Variants in LAIR2 observed in about 807,000 individuals in gnomAD.
The protein encoded by LAIR2 is leukocyte associated immunoglobulin like receptor 2.
Under a neutral mutation model 14.8 loss-of-function variants are expected in LAIR2, and 14 were observed. The observed-to-expected ratio is 0.95, with a 90% CI of 0.62 to 1.48. The LOEUF is 1.48. Ranked by LOEUF, LAIR2 falls within the 40% of genes most tolerant of loss-of-function variation. The pLI is 0.00. For missense variants in LAIR2, 172 were observed against 180.9 expected (o/e 0.95, Z 0.28); for synonymous variants, 75 against 74.5 (o/e 1.01, Z -0.03).
At chr19:54,506,828 C>A (rs1249775464) in intron 2 of LAIR2, among the ~76,000 whole-genome samples, 1 of 152,156 alleles carries the variant, frequency 6.6e-6, no homozygotes, top group Non-Finnish European at 1.5e-5. Context: ...AAAATTTCGT[C>A]TAGACAGGGA....
rs1401224122 is a variant in LAIR2 at position 54,507,941 on chromosome 19, C to T, written c.121C>T (p.Pro41Ser). Residue 41 changes from proline (P) to serine (S), a missense_variant, in exon 3 of 5, where the codon CCG (proline) becomes TCG (serine). Physicochemically the swap from Pro to Ser is moderately conservative, Grantham distance 74. Around this residue, in one of 2 missense-constraint regions of LAIR2, gnomAD observed 161 missense variants for 149.0 expected, o/e 1.08. Transcript: ENST00000301202. ...ISAEPGTVISPGSHVTFMCRG... is the reference protein window; with the variant it reads ...ISAEPGTVISSGSHVTFMCRG... ...GGCTGAGCCAGGCACTGTGATCTCCCCGGGGAGCCATGTGACTTTCATGTG... is the reference window on the plus strand; with the variant it reads ...GGCTGAGCCAGGCACTGTGATCTCCTCGGGGAGCCATGTGACTTTCATGTG... 3.1e-6 allele frequency: 5 copies of T among 1,614,134 alleles called. No homozygotes were observed. The highest frequency in any genetic ancestry group is 4.2e-6 in the Non-Finnish European group (5 of 1,180,012).
At position 54,503,069 on chromosome 19, in the gene LAIR2, C is replaced by G. The variant is rs181838361; in HGVS notation, c.34+117C>G. ...TGGGGAGGAAAGTGTCCTCCTCCCC[C>G]CAAGACTGCCCTACTGCTCTCCCTG... On this transcript the variant is annotated intron_variant, in intron 1 of 4. Transcript: ENST00000301202. 694 of 933,936 alleles carry G rather than the reference C, an allele frequency of 7.4e-4. 2 individuals are homozygous for G. In the African/African-American group the frequency reaches 9.7e-3, roughly 13 times the overall value. 57.9% of individuals were successfully genotyped at this position (933,936 alleles called of 1,614,324 possible). A position where few individuals can be genotyped will look rare whatever the true frequency, so the allele number is the denominator to read the frequency against.
chr19:54,504,432 GA>G (rs2085328066), intron 2 of LAIR2, among the ~76,000 whole-genome samples: 1 of 152,034 alleles, frequency 6.6e-6, no homozygotes, highest in African/African-American at 2.4e-5. Flanking sequence ...TAGCAATTTT[GA>G]AATATATAAT....
Position 54,503,750 on chromosome 19 carries a change from C to T in LAIR2, c.70+15C>T, listed in dbSNP as rs199555694. 706 of 1,613,900 alleles carry T rather than the reference C, an allele frequency of 4.4e-4. 1 individual carries two copies. Among genetic ancestry groups the T allele is most frequent in the Non-Finnish European group, 5.2e-4 (613 of 1,180,006 alleles). On this transcript the variant is annotated intron_variant, in intron 2 of 4. Transcript: ENST00000301202. Reference sequence around the variant, plus strand: ...CACGCAGGAGGGTAAGTCATGCCTTCGTCCCGTCTTCCCAGTCCCCTCTGT... The same window carrying T: ...CACGCAGGAGGGTAAGTCATGCCTTTGTCCCGTCTTCCCAGTCCCCTCTGT...
At chr19:54,509,748 T>G (rs1040554188) in intron 4 of LAIR2, among the ~76,000 whole-genome samples, 12 of 151,358 alleles carry the variant, frequency 7.9e-5, no homozygotes, top group Non-Finnish European at 1.3e-4. Context: ...CCCTGGACTC[T>G]GTGATGGGAG....
chr19:54,504,599 A>C (rs752837793), intron 2 of LAIR2, among the ~76,000 whole-genome samples: 1 of 151,906 alleles, frequency 6.6e-6, no homozygotes, highest in Admixed American at 6.6e-5. Context: ...ACTCTGTGAG[A>C]TGACCTTTTT....
intron 2 of LAIR2, among the ~76,000 whole-genome samples, chr19:54,505,532 G>A (rs2085349843): frequency 6.6e-6 from 1 of 152,086 alleles, no homozygotes; most frequent in Admixed American, 6.6e-5. Flanking sequence ...CTGGCGATTT[G>A]CAAAAGCACA....
In LAIR2 at chr19:54,510,555, T is replaced by C. The variant is rs1275446240; in HGVS notation, c.445T>C (p.Phe149Leu). The part of the protein sequence containing the change: ...GTVPGTEASG[F>L]DAP ...TGTGCCAGGCACTGAAGCCTCCGGATTTGATGCACCATGAATGAGGAGAAA... is the reference window on the plus strand; with the variant it reads ...TGTGCCAGGCACTGAAGCCTCCGGACTTGATGCACCATGAATGAGGAGAAA... The change falls in exon 5 of 5, where the codon TTT (phenylalanine) becomes CTT (leucine). Residue 149 changes from phenylalanine (F) to leucine (L), a missense_variant. Coordinates refer to ENST00000301202, the MANE Select transcript of LAIR2 (RefSeq NM_002288.6). The C allele has an allele frequency of 8.7e-6, 14 of 1,613,736 alleles. No homozygotes were observed. Among genetic ancestry groups the C allele is most frequent in the Non-Finnish European group, 2.5e-6 (3 of 1,179,774 alleles).
At chr19:54,507,820 C>T (rs545342392) in intron 2 of LAIR2, 71 bp from the exon 3 acceptor site, 10 of 1,426,946 alleles carry the variant, frequency 7.0e-6, no homozygotes, top group African/African-American at 1.4e-5. Context: ...GAATTGTGAT[C>T]CTAAAATGAC....
At position 54,502,970 on chromosome 19, in the gene LAIR2, C is replaced by A; in HGVS notation, c.34+18C>A. 2 of 1,606,914 alleles carry A rather than the reference C, an allele frequency of 1.2e-6. No homozygotes were observed. The highest frequency in any genetic ancestry group is 1.7e-6 in the Non-Finnish European group (2 of 1,176,134). On this transcript the variant is annotated intron_variant, in intron 1 of 4. Coordinates refer to ENST00000301202, the MANE Select transcript of LAIR2 (RefSeq NM_002288.6). The stretch of plus-strand genomic sequence containing the variant: ...GGGCCTAGGTGAGTCCTGGAGGGAG[C>A]GGGAAGGACTGGAAAGGGGGTCGGG...
chr19:54,507,773 C>T lies in LAIR2; in HGVS notation c.71-118C>T, dbSNP rs190842098. On this transcript the variant is annotated intron_variant, in intron 2 of 4. Coordinates refer to ENST00000301202, the MANE Select transcript of LAIR2 (RefSeq NM_002288.6). ...GAATGTTCTAAGGTTGGGCTGTGGT[C>T]GTGGCTGCATAACTCTATAAAATTG... 662 of 955,892 alleles carry T rather than the reference C, an allele frequency of 6.9e-4. 3 individuals are homozygous for T. The African/African-American group carries it at 9.6e-3, about 14-fold the overall frequency. The allele number at this position is 955,892 out of a possible 1,614,324, so 59.2% of individuals were successfully genotyped here.
intron 2 of LAIR2, among the ~76,000 whole-genome samples, chr19:54,505,866 G>A (rs2085356247): frequency 6.7e-6 from 1 of 149,498 alleles, no homozygotes; most frequent in African/African-American, 2.5e-5. Context: ...TTGTTGCCCA[G>A]GCTGGAGTGC....
intron 2 of LAIR2, among the ~76,000 whole-genome samples, chr19:54,507,541 G>C (rs62131568): frequency 0.14 from 15,184 of 107,896 alleles, 609 homozygotes; most frequent in Non-Finnish European, 0.21. Context: ...CATCCCCATC[G>C]TGTGCCTCCC....
Position 54,504,361 on chromosome 19 carries a change from C to T in LAIR2, c.70+626C>T, listed in dbSNP as rs569440818. Among the ~76,000 whole-genome samples the T allele has an allele frequency of 3.9e-5, 6 of 152,228 alleles. No homozygotes were observed. In the East Asian group the frequency reaches 1.2e-3, roughly 29 times the overall value. ...AACATTGTGGAAAGATTAAATAAGG[C>T]TAAATAACATATCAATCACATCACA... On this transcript the variant is annotated intron_variant, in intron 2 of 4. Coordinates refer to ENST00000301202, the MANE Select transcript of LAIR2 (RefSeq NM_002288.6).
intron 2 of LAIR2, among the ~76,000 whole-genome samples, chr19:54,506,113 C>T (rs758055835): frequency 3.3e-5 from 5 of 152,096 alleles, no homozygotes; most frequent in Non-Finnish European, 5.9e-5. Flanking sequence ...GTGTGAGACA[C>T]CGCGCCTGGT....
chr19:54,505,026 C>CT (rs2085339565), intron 2 of LAIR2, among the ~76,000 whole-genome samples: 4 of 152,172 alleles, frequency 2.6e-5, no homozygotes, highest in Non-Finnish European at 5.9e-5. Context: ...AATGTCCTTC[C>CT]TTTTTTAGGG....
intron 2 of LAIR2, among the ~76,000 whole-genome samples, chr19:54,507,209 A>G (rs946482797): frequency 1.3e-5 from 2 of 150,560 alleles, no homozygotes; most frequent in African/African-American, 4.9e-5. Flanking sequence ...GTTGAGATAA[A>G]TGGGGTTTTT....
In LAIR2 at chr19:54,502,990, G is replaced by A. The variant is rs780413434; in HGVS notation, c.34+38G>A. 85 of 1,591,676 alleles carry A rather than the reference G, an allele frequency of 5.3e-5. 1 individual carries two copies. Among genetic ancestry groups the A allele is most frequent in the Admixed American group, 2.8e-4 (16 of 57,196 alleles). On this transcript the variant is annotated intron_variant, in intron 1 of 4. Coordinates refer to ENST00000301202, the MANE Select transcript of LAIR2 (RefSeq NM_002288.6). ...GGGAGCGGGAAGGACTGGAAAGGGG[G>A]TCGGGAGGTCTGGAAAGTTCCCTGC...
chr19:54,508,211 C>T (rs1310158196), intron 3 of LAIR2, 27 bp downstream of exon 3: 1 of 1,593,984 alleles, frequency 6.3e-7, no homozygotes, highest in Non-Finnish European at 8.6e-7. Flanking sequence ...GGCCCTGCCC[C>T]AGTCTCAGCT....
Sources: allele counts gnomAD v4.1 joint callset (sites outside exome capture counted in the v4.1 genomes callset), GRCh38; gene constraint gnomAD v4.1.1; regional missense constraint gnomAD v4.1.1; transcripts MANE v1.5; gene names NCBI Gene and HGNC (gene_info 2026-07-23, HGNC 2026-07-21).